ADGRL3: variants seen among roughly 807,000 people sequenced by gnomAD.
The protein encoded by ADGRL3 is calcium-independent alpha-latrotoxin receptor 3.
ADGRL3 carries 62 observed loss-of-function variants against 153.5 expected under a neutral mutation model. The ratio of observed to expected loss-of-function variants is 0.40; its 90% CI spans 0.33 to 0.50. The LOEUF is 0.50. Ranked by LOEUF, ADGRL3 falls within the 20% of genes least tolerant of loss-of-function variation. The pLI, the probability that ADGRL3 is intolerant of heterozygous loss-of-function variation, is 0.47. For missense variants in ADGRL3, 1,641 were observed against 1,859.4 expected (o/e 0.88, Z 2.16); for synonymous variants, 710 against 672.5 (o/e 1.06, Z -0.86).
intron 1 of ADGRL3, among the ~76,000 whole-genome samples, chr4:61,316,775 G>C (rs1416289475): frequency 1.3e-5 from 2 of 152,116 alleles, no homozygotes; most frequent in Admixed American, 1.3e-4. Flanking sequence ...TTTCATGTTT[G>C]TATGACTGTT....
intron 5 of ADGRL3, among the ~76,000 whole-genome samples, chr4:61,639,715 C>T (rs1412533184): frequency 1.3e-5 from 2 of 152,078 alleles, no homozygotes; most frequent in Non-Finnish European, 2.9e-5. Context: ...AAATTGTAGT[C>T]TCAGTAGTGA....
chr4:61,350,981 G>A (rs1195346984), intron 1 of ADGRL3, among the ~76,000 whole-genome samples: 1 of 152,214 alleles, frequency 6.6e-6, no homozygotes, highest in Non-Finnish European at 1.5e-5. Context: ...GCTTAGTGAG[G>A]AAGGCATGTC....
At chr4:61,896,647 G>A (rs1404887411) in intron 11 of ADGRL3, among the ~76,000 whole-genome samples, 3 of 152,060 alleles carry the variant, frequency 2.0e-5, no homozygotes, top group Non-Finnish European at 2.9e-5. Context: ...CTACCCAGTA[G>A]ATCATTTAGC....
At chr4:61,252,105 A>G (rs952666874) in intron 1 of ADGRL3, among the ~76,000 whole-genome samples, 2 of 150,894 alleles carry the variant, frequency 1.3e-5, no homozygotes, top group African/African-American at 4.9e-5. Context: ...CTGGTCTTGA[A>G]CTCCTGACCT....
intron 2 of ADGRL3, among the ~76,000 whole-genome samples, chr4:61,461,390 AC>A (rs780917095): frequency 5.3e-5 from 8 of 152,308 alleles, no homozygotes; most frequent in South Asian, 4.1e-4. Flanking sequence ...TGTTCTCAAT[AC>A]AAAGAAATAA....
At chr4:61,887,637 G>T (rs568461598) in intron 9 of ADGRL3, among the ~76,000 whole-genome samples, 28 of 152,260 alleles carry the variant, frequency 1.8e-4, no homozygotes, top group African/African-American at 6.0e-4. Context: ...GCAAGGTCAA[G>T]AGATCGAGAC....
At chr4:61,397,323 A>G (rs1022856404) in intron 2 of ADGRL3, among the ~76,000 whole-genome samples, 9 of 152,068 alleles carry the variant, frequency 5.9e-5, no homozygotes, top group Admixed American at 2.6e-4. Flanking sequence ...AGAAAAAGAA[A>G]TTAAGGAACA....
At chr4:62,047,404 G>A (rs1731689643) in intron 25 of ADGRL3, among the ~76,000 whole-genome samples, 1 of 151,762 alleles carries the variant, frequency 6.6e-6, no homozygotes, top group Non-Finnish European at 1.5e-5. Flanking sequence ...ATCATCTTTA[G>A]GATCCATTAG....
intron 1 of ADGRL3, among the ~76,000 whole-genome samples, chr4:61,361,475 G>A (rs13147561): frequency 0.061 from 9,326 of 152,144 alleles, 384 homozygotes; most frequent in Non-Finnish European, 0.095. Context: ...GTACTTTAAG[G>A]GTATGGCCTT....
In ADGRL3 at chr4:61,310,965, A is replaced by G. The variant is rs752537934; in HGVS notation, c.-239-72159A>G. 3.0e-4 allele frequency among the ~76,000 whole-genome samples: 46 copies of G among 151,840 alleles called. 1 individual carries two copies. The highest frequency in any genetic ancestry group is 2.2e-4 in the Non-Finnish European group (15 of 67,942). On this transcript the variant is annotated intron_variant, in intron 1 of 26. Transcript: ENST00000683033. ...GATTAGTTAATATCTTAGGTGCCTTATATTGCTTTGATAGGGAAAAAAATG... is the reference window on the plus strand; with the variant it reads ...GATTAGTTAATATCTTAGGTGCCTTGTATTGCTTTGATAGGGAAAAAAATG...
chr4:61,968,055 G>T (rs2099013298), intron 17 of ADGRL3, among the ~76,000 whole-genome samples: 1 of 152,146 alleles, frequency 6.6e-6, no homozygotes, highest in Non-Finnish European at 1.5e-5. Flanking sequence ...ATTCATTAGG[G>T]CAGAGCCCTC....
intron 5 of ADGRL3, among the ~76,000 whole-genome samples, chr4:61,637,761 C>T (rs1484705576): frequency 6.6e-6 from 1 of 151,906 alleles, no homozygotes; most frequent in African/African-American, 2.4e-5. Context: ...ACTCTGTTCC[C>T]CCACCCCCCA....
chr4:61,324,100 G>A (rs1247470233), intron 1 of ADGRL3, among the ~76,000 whole-genome samples: 1 of 152,146 alleles, frequency 6.6e-6, no homozygotes, highest in South Asian at 2.1e-4. Context: ...CAGATCTCGT[G>A]AGACCCATTT....
chr4:61,986,698 G>A (rs2099086588), intron 19 of ADGRL3, among the ~76,000 whole-genome samples: 1 of 152,160 alleles, frequency 6.6e-6, no homozygotes, highest in Non-Finnish European at 1.5e-5. Flanking sequence ...AGAGAGATAG[G>A]AAAAGATAGG....
intron 4 of ADGRL3, among the ~76,000 whole-genome samples, chr4:61,546,904 A>C (rs377741569): frequency 6.6e-6 from 1 of 152,186 alleles, no homozygotes; most frequent in East Asian, 1.9e-4. Flanking sequence ...TTTTTGTCTC[A>C]CTTTCATCTT....
chr4:62,046,051 T>G (rs1730960721), intron 25 of ADGRL3, among the ~76,000 whole-genome samples: 1 of 151,924 alleles, frequency 6.6e-6, no homozygotes, highest in African/African-American at 2.4e-5. Context: ...AACCTAGGAT[T>G]AATTTGCTTA....
intron 6 of ADGRL3, among the ~76,000 whole-genome samples, chr4:61,714,919 T>C (rs1467799811): frequency 6.6e-6 from 1 of 152,206 alleles, no homozygotes; most frequent in Non-Finnish European, 1.5e-5. Context: ...ACTGGAATGC[T>C]ATGTCACATA....
intron 4 of ADGRL3, among the ~76,000 whole-genome samples, chr4:61,542,104 A>G (rs2148651377): frequency 6.6e-6 from 1 of 152,264 alleles, no homozygotes; most frequent in South Asian, 2.1e-4. Flanking sequence ...AGTAGAGATG[A>G]CTGTGTGACT....
intron 8 of ADGRL3, among the ~76,000 whole-genome samples, chr4:61,793,393 A>C (rs2097368476): frequency 6.6e-6 from 1 of 152,192 alleles, no homozygotes. Context: ...ACTGCACTCC[A>C]GCCTGGGCGA....
Sources: gnomAD v4.1 joint callset for allele counts (sites outside exome capture counted in the v4.1 genomes callset) on GRCh38, gnomAD v4.1.1 for gene constraint, MANE v1.5 for transcripts, NCBI Gene and HGNC (gene_info 2026-07-23, HGNC 2026-07-21) for gene names.